SHB: variants seen among roughly 807,000 people sequenced by gnomAD.
SHB encodes the protein SH2 domain-containing adapter protein B.
Under a neutral mutation model 52.3 loss-of-function variants are expected in SHB, and 20 were observed. The observed-to-expected ratio is 0.38, with a 90% CI of 0.27 to 0.56. The LOEUF (loss-of-function observed/expected upper bound fraction) is 0.56. Among genes scored for constraint, SHB ranks in the 20% least tolerant of loss-of-function variants. The probability of loss-of-function intolerance (pLI) is 0.71; values close to 1 mark genes in which losing one functional copy is unlikely to be tolerated. For missense variants in SHB, 825 were observed against 723.3 expected (o/e 1.14, Z -1.61); for synonymous variants, 397 against 316.5 (o/e 1.25, Z -2.70).
intron 1 of SHB, among the ~76,000 whole-genome samples, chr9:38,061,156 A>G (rs1435659520): frequency 1.3e-5 from 2 of 152,096 alleles, no homozygotes; most frequent in Non-Finnish European, 2.9e-5. Context: ...ATAAAAAAAT[A>G]CAAACATTAG....
At chr9:37,982,981 C>CCCT (rs1554702660) in intron 2 of SHB, among the ~76,000 whole-genome samples, 38 of 151,660 alleles carry the variant, frequency 2.5e-4, no homozygotes, top group African/African-American at 7.3e-4. Context: ...GTGCCCCCCC[C>CCCT]TCCATCTTTT....
intron 2 of SHB, among the ~76,000 whole-genome samples, chr9:37,991,810 C>T (rs1820884813): frequency 6.6e-6 from 1 of 152,242 alleles, no homozygotes; most frequent in South Asian, 2.1e-4. Context: ...AACCCACAGG[C>T]TGTGCTCTGT....
intron 2 of SHB, among the ~76,000 whole-genome samples, chr9:38,004,612 G>A (rs1821057707): frequency 6.6e-6 from 1 of 152,230 alleles, no homozygotes; most frequent in South Asian, 2.1e-4. Context: ...AGAGGGTGGG[G>A]AAGGGGGACC....
chr9:37,948,668 T>C lies in SHB; in HGVS notation c.1313A>G (p.Gln438Arg). ...KECSYLVRNS[Q>R]TSKHDYSLSL... ...GAGGGAGTAGTCATGCTTGCTGGTC[T>C]GGCTGTTCCGGACAAGGTAGCTACA... The change falls in exon 5 of 6, where the codon CAG (glutamine) becomes CGG (arginine). Residue 438 changes from glutamine to arginine, a missense_variant. Gln to Arg is a conservative substitution (Grantham distance 43). Coordinates refer to ENST00000377707, the MANE Select transcript of SHB (RefSeq NM_003028.3). The C allele has an allele frequency of 6.2e-7, 1 of 1,613,908 alleles. No individual in the cohort carries two copies. Among genetic ancestry groups the C allele is most frequent in the Non-Finnish European group, 8.5e-7 (1 of 1,179,994 alleles).
At chr9:38,037,211 A>G (rs1308922752) in intron 1 of SHB, among the ~76,000 whole-genome samples, 1 of 152,214 alleles carries the variant, frequency 6.6e-6, no homozygotes, top group Non-Finnish European at 1.5e-5. Flanking sequence ...AACTGGAGAA[A>G]GAGATGGCAC....
In SHB at chr9:37,981,416, AAG is replaced by A. The variant is rs1437433493; in HGVS notation, c.839-6581_839-6580del. On this transcript the variant is annotated intron_variant, in intron 2 of 5. Coordinates refer to ENST00000377707, the MANE Select transcript of SHB (RefSeq NM_003028.3). ...CACTCTCTCAGCCTTCACAGAATTG[AAG>A]AGTTAGGGCCTTGCTCCAGATTAGG... 5.3e-5 allele frequency among the ~76,000 whole-genome samples: 8 copies of A among 152,334 alleles called. No individual in the cohort carries two copies. The East Asian group carries it at 1.5e-3, about 29-fold the overall frequency.
rs144651123 is a variant in SHB at position 38,038,718 on chromosome 9, C to T, written c.718-22587G>A. On this transcript the variant is annotated intron_variant, in intron 1 of 5. Coordinates refer to ENST00000377707, the MANE Select transcript of SHB (RefSeq NM_003028.3). The stretch of plus-strand genomic sequence containing the variant: ...GATGCAGCCCACTCTGCTCCCTACT[C>T]GGGTCATGAGCCAGCCCCGCTTCCC... 3.1e-3 allele frequency among the ~76,000 whole-genome samples: 470 copies of T among 152,290 alleles called. 1 individual carries two copies. The highest frequency in any genetic ancestry group is 5.6e-3 in the Non-Finnish European group (379 of 68,016).
intron 2 of SHB, among the ~76,000 whole-genome samples, chr9:37,989,638 G>T (rs1202363061): frequency 6.6e-6 from 1 of 152,116 alleles, no homozygotes; most frequent in Non-Finnish European, 1.5e-5. Context: ...AAAATTGAAG[G>T]GCCTTGCCAA....
At chr9:37,998,609 C>T (rs141176479) in intron 2 of SHB, among the ~76,000 whole-genome samples, 2,096 of 152,264 alleles carry the variant, frequency 0.014, 18 homozygotes, top group Middle Eastern at 0.034. Flanking sequence ...CACGCCACCA[C>T]GCCCAGCTAA....
chr9:37,959,085 T>C (rs1012854856), intron 3 of SHB, among the ~76,000 whole-genome samples: 1 of 151,056 alleles, frequency 6.6e-6, no homozygotes, highest in Non-Finnish European at 1.5e-5. Flanking sequence ...TGGTGGAGGG[T>C]GGGTTTGGGG....
At position 37,918,466 on chromosome 9, in the gene SHB, A is replaced by G. The variant is rs1281726199; in HGVS notation, c.*1355T>C. On this transcript the variant is annotated 3_prime_UTR_variant, in exon 6 of 6. Coordinates refer to ENST00000377707, the MANE Select transcript of SHB (RefSeq NM_003028.3). ...GTGTGTAGGTGTTCTTGTGTGTGGAAGCAGTGTGGACCACTGAGGGCTGTG... is the reference window on the plus strand; with the variant it reads ...GTGTGTAGGTGTTCTTGTGTGTGGAGGCAGTGTGGACCACTGAGGGCTGTG... 8.6e-6 allele frequency among the ~76,000 whole-genome samples: 1 copy of G among 116,412 alleles called. No homozygotes were observed. The highest frequency in any genetic ancestry group is 3.6e-5 in the African/African-American group (1 of 27,718). The allele number at this position is 116,412 out of a possible 152,430, so 76.4% of individuals were successfully genotyped here. A position where few individuals can be genotyped will look rare whatever the true frequency, so the allele number is the denominator to read the frequency against.
At chr9:38,030,984 G>A (rs1296960102) in intron 1 of SHB, among the ~76,000 whole-genome samples, 2 of 151,904 alleles carry the variant, frequency 1.3e-5, no homozygotes, top group Admixed American at 6.6e-5. Flanking sequence ...ACAAGATCAC[G>A]CACACTAAAA....
intron 5 of SHB, among the ~76,000 whole-genome samples, chr9:37,942,466 A>T (rs1264685798): frequency 6.6e-6 from 1 of 152,198 alleles, no homozygotes; most frequent in Non-Finnish European, 1.5e-5. Context: ...CCTGCCAGAT[A>T]CCTGCCCAAG....
At chr9:38,009,333 A>C (rs925604721) in intron 2 of SHB, among the ~76,000 whole-genome samples, 1 of 152,226 alleles carries the variant, frequency 6.6e-6, no homozygotes, top group Non-Finnish European at 1.5e-5. Flanking sequence ...GGACTGTTAG[A>C]ACCAGGCCTG....
chr9:38,022,858 C>A (rs1241062823), intron 1 of SHB, among the ~76,000 whole-genome samples: 2 of 152,224 alleles, frequency 1.3e-5, no homozygotes, highest in Non-Finnish European at 2.9e-5. Flanking sequence ...AAGGAACACG[C>A]TGCCTGGGAA....
chr9:38,049,875 C>T (rs1821717212), intron 1 of SHB, among the ~76,000 whole-genome samples: 1 of 151,420 alleles, frequency 6.6e-6, no homozygotes, highest in African/African-American at 2.4e-5. Flanking sequence ...TCTTGGCTCA[C>T]TGCAACCTCC....
At chr9:38,006,143 C>A (rs938945161) in intron 2 of SHB, among the ~76,000 whole-genome samples, 2 of 152,174 alleles carry the variant, frequency 1.3e-5, no homozygotes, top group Non-Finnish European at 2.9e-5. Context: ...TGTCATCCCA[C>A]CCTCTCCTCT....
rs770296530 is a variant in SHB, at chr9:37,948,670, G to A, written c.1311C>T (p.Ser437=). The part of the protein sequence containing the change: ...CKECSYLVRN[S]QTSKHDYSLS... ...GGGAGTAGTCATGCTTGCTGGTCTG[G>A]CTGTTCCGGACAAGGTAGCTACACT... The change falls in exon 5 of 6, where the codon AGC becomes AGT. Residue 437 remains serine (S), a synonymous_variant. Transcript: ENST00000377707. 7 of 1,613,796 alleles carry A rather than the reference G, an allele frequency of 4.3e-6. No homozygotes were observed. The highest frequency in any genetic ancestry group is 1.6e-4 in the Middle Eastern group (1 of 6,080).
chr9:37,988,645 TTA>T (rs1274986011), intron 2 of SHB, among the ~76,000 whole-genome samples: 1 of 152,176 alleles, frequency 6.6e-6, no homozygotes. Flanking sequence ...ATGGTTCTTT[TTA>T]TGTGTCAACA....
Sources: allele counts gnomAD v4.1 joint callset (sites outside exome capture counted in the v4.1 genomes callset), GRCh38; gene constraint gnomAD v4.1.1; transcripts MANE v1.5; gene names NCBI Gene and HGNC (gene_info 2026-07-23, HGNC 2026-07-21).